DMXL1: variants seen among roughly 807,000 people sequenced by gnomAD.
The protein encoded by DMXL1 is dmX-like protein 1.
A neutral mutation model predicts 319.2 loss-of-function variants in DMXL1; 99 were observed. The ratio of observed to expected loss-of-function variants is 0.31; its 90% CI spans 0.26 to 0.37. The LOEUF (loss-of-function observed/expected upper bound fraction) is 0.37, where lower values mean the gene tolerates loss of function less well. Ranked by LOEUF, DMXL1 falls within the 10% of genes least tolerant of loss-of-function variation. The pLI is 1.00. For synonymous variants in DMXL1, 1,385 were observed against 1,235.2 expected, an observed-to-expected ratio of 1.12 and a Z score of -2.54; for missense variants, 3,745 against 3,595.6, an observed-to-expected ratio of 1.04 and a Z score of -1.06.
chr5:119,114,079 TTTAA>T (rs1322905488), intron 5 of DMXL1, among the ~76,000 whole-genome samples: 3 of 152,190 alleles, frequency 2.0e-5, no homozygotes, highest in African/African-American at 7.2e-5. Context: ...ACACATAATC[TTTAA>T]TTAGGTAAGT....
chr5:119,171,715 A>T, intron 24 of DMXL1, 63 bp from the exon 25 acceptor site: 1 of 1,335,834 alleles, frequency 7.5e-7, no homozygotes. Flanking sequence ...CCCTTGATTT[A>T]CTGAAGTAAT....
At chr5:119,213,305 A>G (rs1422044250) in intron 34 of DMXL1, among the ~76,000 whole-genome samples, 1 of 152,004 alleles carries the variant, frequency 6.6e-6, no homozygotes, top group African/African-American at 2.4e-5. Context: ...GTATGCAGAT[A>G]TTTTCTTCTG....
rs1002604494 is a variant in DMXL1, at chr5:119,140,957, G to A, written c.2377-2884G>A. On this transcript the variant is annotated intron_variant, in intron 13 of 43. Coordinates refer to ENST00000539542, the MANE Select transcript of DMXL1 (RefSeq NM_001290321.3). The stretch of plus-strand genomic sequence containing the variant: ...GGGATGCAAGTTTTGTTCAACATAT[G>A]AAAATTAAATGTGATTTATCACATA... Among the ~76,000 whole-genome samples the A allele has an allele frequency of 9.2e-5, 14 of 152,054 alleles. No homozygotes were observed. The East Asian group carries it at 1.4e-3, about 15-fold the overall frequency.
At chr5:119,072,807 T>G (rs1228729971) in intron 1 of DMXL1, among the ~76,000 whole-genome samples, 1 of 152,168 alleles carries the variant, frequency 6.6e-6, no homozygotes, top group African/African-American at 2.4e-5. Flanking sequence ...ATACACATCT[T>G]AATTATCGGG....
intron 13 of DMXL1, among the ~76,000 whole-genome samples, chr5:119,134,941 TG>T (rs1428407323): frequency 6.6e-6 from 1 of 152,250 alleles, no homozygotes; most frequent in Non-Finnish European, 1.5e-5. Flanking sequence ...ATTTTTCTTT[TG>T]GTATCCCCAG....
In DMXL1 at chr5:119,120,808, T is replaced by A. The variant is rs1022709590; in HGVS notation, c.934-163T>A. On this transcript the variant is annotated intron_variant, in intron 8 of 43. Transcript: ENST00000539542. Reference sequence around the variant, plus strand: ...GATTCAAATTTGCTATACCAAAATATTGAAAGGTGTTTTTACATATAAAAT... The same window carrying A: ...GATTCAAATTTGCTATACCAAAATAATGAAAGGTGTTTTTACATATAAAAT... Among the ~76,000 whole-genome samples, 5 of 152,242 alleles carry A rather than the reference T, an allele frequency of 3.3e-5. No homozygotes were observed. In the East Asian group the frequency reaches 9.6e-4, roughly 29 times the overall value.
At chr5:119,151,812 A>G in intron 18 of DMXL1, 117 bp from the exon 19 acceptor site, 1 of 536,040 alleles carries the variant, frequency 1.9e-6, no homozygotes, top group Non-Finnish European at 3.3e-6. Context: ...GTTAGAAAAT[A>G]TTTTACACTG....
At chr5:119,114,932 T>G (rs1760507191) in intron 6 of DMXL1, among the ~76,000 whole-genome samples, 1 of 152,184 alleles carries the variant, frequency 6.6e-6, no homozygotes, top group Non-Finnish European at 1.5e-5. Flanking sequence ...CCTCCCAAAG[T>G]GCTGAGATTA....
In DMXL1 at chr5:119,106,604, A is replaced by G. The variant is rs893619934; in HGVS notation, c.364+1346A>G. Reference sequence around the variant, plus strand: ...TGAATTTAATTCTTTATGGTTGTCTAAAAACTATAGGTTTTCAAAAGAGGC... The same window carrying G: ...TGAATTTAATTCTTTATGGTTGTCTGAAAACTATAGGTTTTCAAAAGAGGC... On this transcript the variant is annotated intron_variant, in intron 4 of 43. Coordinates refer to ENST00000539542, the MANE Select transcript of DMXL1 (RefSeq NM_001290321.3). Among the ~76,000 whole-genome samples the G allele has an allele frequency of 2.0e-5, 3 of 152,308 alleles. No individual in the cohort carries two copies. The South Asian group carries it at 6.2e-4, about 32-fold the overall frequency.
At chr5:119,156,658 T>C (rs1427110034) in intron 19 of DMXL1, among the ~76,000 whole-genome samples, 1 of 151,728 alleles carries the variant, frequency 6.6e-6, no homozygotes, top group Non-Finnish European at 1.5e-5. Context: ...TTAAATTTTT[T>C]CTTTTTTTTT....
intron 1 of DMXL1, among the ~76,000 whole-genome samples, chr5:119,090,797 C>T (rs913459851): frequency 2.0e-5 from 3 of 151,692 alleles, no homozygotes; most frequent in African/African-American, 7.2e-5. Flanking sequence ...GATCTCTCAA[C>T]CTTGTGATCA....
At chr5:119,167,930 A>C in intron 23 of DMXL1, 66 bp downstream of exon 23, 1 of 1,477,124 alleles carries the variant, frequency 6.8e-7, no homozygotes, top group Non-Finnish European at 9.2e-7. Context: ...TGTGCAGATC[A>C]CTCTATTAGG....
intron 5 of DMXL1, among the ~76,000 whole-genome samples, chr5:119,113,354 G>A (rs757717043): frequency 1.2e-4 from 19 of 152,128 alleles, no homozygotes; most frequent in Admixed American, 4.6e-4. Context: ...CAATTCTCCT[G>A]CCTCAGCCTT....
At chr5:119,234,925 C>G (rs1354048469) in intron 39 of DMXL1, among the ~76,000 whole-genome samples, 1 of 152,094 alleles carries the variant, frequency 6.6e-6, no homozygotes, top group African/African-American at 2.4e-5. Context: ...TATTTTTCAG[C>G]TTTAACACTC....
At chr5:119,095,911 A>G (rs1228782213) in intron 1 of DMXL1, among the ~76,000 whole-genome samples, 1 of 152,036 alleles carries the variant, frequency 6.6e-6, no homozygotes, top group African/African-American at 2.4e-5. Context: ...ATTCTTTCTA[A>G]TTTTTAGGTA....
At chr5:119,157,593 T>C (rs75716806) in intron 19 of DMXL1, among the ~76,000 whole-genome samples, 10,395 of 152,292 alleles carry the variant, frequency 0.068, 478 homozygotes, top group Middle Eastern at 0.11. Flanking sequence ...TTTCCCATTG[T>C]GTGTTCCTGG....
intron 19 of DMXL1, 135 bp downstream of exon 19, chr5:119,152,171 T>TA: frequency 1.7e-6 from 1 of 605,164 alleles, no homozygotes; most frequent in South Asian, 2.4e-5. Flanking sequence ...CTTTATTTGT[T>TA]AAAATGTTTA....
At chr5:119,114,593 A>G (rs768516299) in intron 6 of DMXL1, 52 bp downstream of exon 6, 1 of 1,115,176 alleles carries the variant, frequency 9.0e-7, no homozygotes, top group Non-Finnish European at 1.3e-6. Context: ...TTTACTTTGA[A>G]ACTTTAAAAA....
At position 119,178,242 on chromosome 5, in the gene DMXL1, C is replaced by T; in HGVS notation, c.7133C>T (p.Pro2378Leu). The T allele has an allele frequency of 1.9e-6, 3 of 1,610,378 alleles. No individual in the cohort carries two copies. The highest frequency in any genetic ancestry group is 2.2e-5 in the East Asian group (1 of 44,810). Residue 2378 changes from proline (P) to leucine (L), a missense_variant and splice_region_variant, in exon 28 of 44, where the codon CCT (proline) becomes CTT (leucine). Physicochemically the swap from Pro to Leu is moderately conservative, Grantham distance 98. Coordinates refer to ENST00000539542, the MANE Select transcript of DMXL1 (RefSeq NM_001290321.3). ...SKEQTHSKTL[P>L]VSSLVEEGEK... ...GAACAGACACATTCAAAAACTTTAC[C>T]TGGTGAGTTTAAAAAATTTTTTTAG...
Sources: allele counts gnomAD v4.1 joint callset (sites outside exome capture counted in the v4.1 genomes callset), GRCh38; gene constraint gnomAD v4.1.1; transcripts MANE v1.5; gene names NCBI Gene and HGNC (gene_info 2026-07-23, HGNC 2026-07-21).